Variants in ANKRD62 observed in about 807,000 individuals in gnomAD.
The protein encoded by ANKRD62 is ankyrin repeat domain 62.
A neutral mutation model predicts 98.8 loss-of-function variants in ANKRD62; 61 were observed. The observed-to-expected ratio is 0.62, with a 90% CI of 0.50 to 0.76. The LOEUF (loss-of-function observed/expected upper bound fraction) is 0.76, where lower values mean the gene tolerates loss of function less well. Among genes scored for constraint, ANKRD62 ranks in the 30% least tolerant of loss-of-function variants. The pLI is 0.00. For missense variants in ANKRD62, 933 were observed against 1,082.9 expected, an observed-to-expected ratio of 0.86 and a Z score of 1.94; for synonymous variants, 341 against 367.9, an observed-to-expected ratio of 0.93 and a Z score of 0.84.
chr18:12,135,140 C>T, the ANKRD62 span, among the ~76,000 whole-genome samples: 1 of 150,420 alleles, frequency 6.6e-6, no homozygotes, highest in Admixed American at 6.6e-5. Context: ...GTGCTGCACC[C>T]ATTAACTCGT....
chr18:12,112,111 CAAA>C (rs34392499), intron 8 of ANKRD62, among the ~76,000 whole-genome samples: 1 of 29,508 alleles, frequency 3.4e-5, no homozygotes, highest in African/African-American at 7.5e-5. Flanking sequence ...GACTCCAACT[CAAA>C]AAAAAAAAAA....
rs1909103012 is a variant in ANKRD62 at position 12,093,896 on chromosome 18, A to G, written c.-122A>G. 6 of 877,956 alleles carry G rather than the reference A, an allele frequency of 6.8e-6. No individual in the cohort carries two copies. The East Asian group carries it at 1.6e-4, about 23-fold the overall frequency. The allele number at this position is 877,956 out of a possible 1,614,324, so 54.4% of individuals were successfully genotyped here. A position where few individuals can be genotyped will look rare whatever the true frequency, so the allele number is the denominator to read the frequency against. ...GCAGCTGGAGACTGGAGTGTCCCTG[A>G]CGGAGGTTGCGGCTGGACCTGGTTA... On this transcript the variant is annotated 5_prime_UTR_variant, in exon 1 of 14. Coordinates refer to ENST00000587848, the MANE Select transcript of ANKRD62 (RefSeq NM_001277333.2).
At chr18:12,168,457 T>A in the ANKRD62 span, among the ~76,000 whole-genome samples, 3 of 152,358 alleles carry the variant, frequency 2.0e-5, no homozygotes, top group South Asian at 6.2e-4. Flanking sequence ...ATATGTGGCA[T>A]TATTTCTGAG....
the ANKRD62 span, among the ~76,000 whole-genome samples, chr18:12,174,224 G>A: frequency 6.6e-6 from 1 of 151,700 alleles, no homozygotes; most frequent in Non-Finnish European, 1.5e-5. Context: ...GTTCTTGTCT[G>A]ACTGTTTTAT....
intron 10 of ANKRD62, among the ~76,000 whole-genome samples, chr18:12,116,745 T>C (rs1028603127): frequency 1.3e-5 from 2 of 152,178 alleles, no homozygotes; most frequent in African/African-American, 4.8e-5. Flanking sequence ...AGCTTGTCAA[T>C]TTAAAAAAAT....
At chr18:12,174,775 T>C in the ANKRD62 span, among the ~76,000 whole-genome samples, 1 of 152,328 alleles carries the variant, frequency 6.6e-6, no homozygotes, top group East Asian at 1.9e-4. Context: ...AATGTTCAGC[T>C]CCCAACTCCT....
chr18:12,145,645 G>C, the ANKRD62 span, among the ~76,000 whole-genome samples: 1 of 152,288 alleles, frequency 6.6e-6, no homozygotes, highest in Non-Finnish European at 1.5e-5. Context: ...TCTTGCCAGT[G>C]GTCTCCAGCT....
chr18:12,119,842 A>G (rs1909747839), intron 10 of ANKRD62, among the ~76,000 whole-genome samples: 1 of 152,078 alleles, frequency 6.6e-6, no homozygotes, highest in East Asian at 1.9e-4. Context: ...AGTGCTAAAA[A>G]TTTGTATTTA....
At chr18:12,120,040 T>C (rs926154196) in intron 10 of ANKRD62, among the ~76,000 whole-genome samples, 3 of 152,210 alleles carry the variant, frequency 2.0e-5, no homozygotes, top group Non-Finnish European at 4.4e-5. Flanking sequence ...CATTGATTTG[T>C]GGTCAGGATA....
At chr18:12,101,998 T>G (rs1324778710) in intron 6 of ANKRD62, 2 of 1,265,436 alleles carry the variant, frequency 1.6e-6, no homozygotes, top group Middle Eastern at 5.3e-4. Context: ...AGGTCAGAGC[T>G]TCCACAGCGT....
chr18:12,112,041 C>CGG (rs756404254), intron 8 of ANKRD62, among the ~76,000 whole-genome samples: 4 of 137,708 alleles, frequency 2.9e-5, no homozygotes, highest in Non-Finnish European at 6.1e-5. Flanking sequence ...ACCCAGGAGG[C>CGG]GGAGGTTGCA....
the ANKRD62 span, among the ~76,000 whole-genome samples, chr18:12,170,671 G>A: frequency 6.6e-6 from 1 of 152,080 alleles, no homozygotes; most frequent in Non-Finnish European, 1.5e-5. Flanking sequence ...CTGAGTTCAA[G>A]TCCTGGATAT....
rs529796470 is a variant in ANKRD62 at position 12,115,681 on chromosome 18, A to G, written c.1240+147A>G. The G allele has an allele frequency of 1.3e-4, 94 of 726,188 alleles. No individual in the cohort carries two copies. The African/African-American group carries it at 1.6e-3, about 13-fold the overall frequency. 45.0% of individuals were successfully genotyped at this position (726,188 alleles called of 1,614,324 possible). On this transcript the variant is annotated intron_variant, in intron 10 of 13. Coordinates refer to ENST00000587848, the MANE Select transcript of ANKRD62 (RefSeq NM_001277333.2). ...TTCTTGTGAACATAGAATGAGAACT[A>G]CTCTATCTTGTATACTCTTAGCCAA...
intron 8 of ANKRD62, among the ~76,000 whole-genome samples, chr18:12,110,918 G>A (rs1909523661): frequency 6.6e-6 from 1 of 152,076 alleles, no homozygotes; most frequent in Non-Finnish European, 1.5e-5. Context: ...TTTGATGTGA[G>A]CATTTAGCTT....
At chr18:12,114,993 A>G in intron 8 of ANKRD62, 95 bp from the exon 9 acceptor site, 1 of 969,558 alleles carries the variant, frequency 1.0e-6, no homozygotes, top group Non-Finnish European at 1.4e-6. Flanking sequence ...GAGAAACTAC[A>G]AACACAGAGA....
At chr18:12,172,897 C>G in the ANKRD62 span, among the ~76,000 whole-genome samples, 36,628 of 152,114 alleles carry the variant, frequency 0.24, 4,622 homozygotes, top group Middle Eastern at 0.33. Flanking sequence ...GGGCGTGGGA[C>G]CCTCTGAGCC....
chr18:12,115,400 G>A lies in ANKRD62; in HGVS notation c.1106G>A (p.Ser369Asn), dbSNP rs1909640144. Reference protein sequence around the residue: ...KTSNEKSKVKSQIYFTDDLND... With the variant: ...KTSNEKSKVKNQIYFTDDLND... ...GTGTTATTTATTTTATAGGTTAAAA[G>A]CCAAATATATTTCACGGATGACCTT... Residue 369 changes from serine to asparagine, a missense_variant, in exon 10 of 14, where the codon AGC (serine) becomes AAC (asparagine). Physicochemically the swap from Ser to Asn is conservative, Grantham distance 46. Around this residue, in one of 3 missense-constraint regions of ANKRD62, gnomAD observed 549 missense variants for 587.9 expected, o/e 0.93. Transcript: ENST00000587848. 6.5e-7 allele frequency: 1 copy of A among 1,533,660 alleles called. No homozygotes were observed. Among genetic ancestry groups the A allele is most frequent in the East Asian group, 2.4e-5 (1 of 40,822 alleles).
chr18:12,164,006 G>C, the ANKRD62 span, among the ~76,000 whole-genome samples: 6 of 151,796 alleles, frequency 4.0e-5, no homozygotes, highest in Admixed American at 3.9e-4. Flanking sequence ...TTTTGTATCA[G>C]TTTAATACTG....
intron 10 of ANKRD62, among the ~76,000 whole-genome samples, chr18:12,121,340 A>T (rs1909777856): frequency 6.6e-6 from 1 of 152,062 alleles, no homozygotes; most frequent in Non-Finnish European, 1.5e-5. Flanking sequence ...GTGAAGTATG[A>T]GTGTTTTGGG....
Sources: gnomAD v4.1 joint callset for allele counts (sites outside exome capture counted in the v4.1 genomes callset) on GRCh38, gnomAD v4.1.1 for gene constraint, gnomAD v4.1.1 regional missense constraint, MANE v1.5 for transcripts, NCBI Gene and HGNC (gene_info 2026-07-23, HGNC 2026-07-21) for gene names.